Variants in TNFAIP8 observed in about 807,000 individuals in gnomAD.
TNFAIP8 encodes TNF alpha induced protein 8.
In TNFAIP8, 7 loss-of-function variants were observed where a neutral mutation model predicts 13.3. The observed-to-expected ratio is 0.52, with a 90% CI of 0.30 to 0.99. The LOEUF is 0.99. Among genes scored for constraint, TNFAIP8 ranks in the 50% least tolerant of loss-of-function variants. TNFAIP8 has a pLI of 0.07. For synonymous variants in TNFAIP8, 94 were observed against 87.6 expected (o/e 1.07, Z -0.41); for missense variants, 258 against 236.9 (o/e 1.09, Z -0.58).
At chr5:119,385,914 T>C (rs1399694756) in intron 1 of TNFAIP8, among the ~76,000 whole-genome samples, 4 of 152,258 alleles carry the variant, frequency 2.6e-5, no homozygotes, top group Non-Finnish European at 5.9e-5. Context: ...TGTCCATTTA[T>C]CTCTGGAACA....
At chr5:119,292,785 A>G (rs1749039996) in intron 1 of TNFAIP8, among the ~76,000 whole-genome samples, 2 of 150,482 alleles carry the variant, frequency 1.3e-5, no homozygotes. Flanking sequence ...GCCAGGTAAG[A>G]TAAACCAGAT....
intron 1 of TNFAIP8, among the ~76,000 whole-genome samples, chr5:119,345,034 T>C (rs1446886207): frequency 1.3e-5 from 2 of 152,186 alleles, no homozygotes; most frequent in Non-Finnish European, 2.9e-5. Flanking sequence ...ATTTTTTTCA[T>C]GCCATTTCTA....
intron 1 of TNFAIP8, among the ~76,000 whole-genome samples, chr5:119,325,363 C>T (rs1390742123): frequency 6.6e-6 from 1 of 152,224 alleles, no homozygotes; most frequent in Non-Finnish European, 1.5e-5. Flanking sequence ...AATATAAACT[C>T]CTTACCATGT....
intron 1 of TNFAIP8, among the ~76,000 whole-genome samples, chr5:119,273,144 A>G (rs34755328): frequency 0.19 from 28,489 of 152,206 alleles, 3,243 homozygotes; most frequent in Non-Finnish European, 0.25. Flanking sequence ...TGGACAATCT[A>G]CTTAGCTCTC....
intron 1 of TNFAIP8, among the ~76,000 whole-genome samples, chr5:119,307,940 G>A (rs1316057536): frequency 6.6e-6 from 1 of 152,166 alleles, no homozygotes; most frequent in Non-Finnish European, 1.5e-5. Flanking sequence ...CTGCACATGT[G>A]ATTTAAAAGC....
Position 119,323,826 on chromosome 5 carries a change from A to G in TNFAIP8, c.1+54919A>G, listed in dbSNP as rs144508643. On this transcript the variant is annotated intron_variant, in intron 1 of 1. Coordinates refer to the TNFAIP8 transcript ENST00000274456. ...GGGCTTCTGCAGTAAAACTCCTTCA[A>G]TTTGAGCTTGTGTAAGCCAGGATCA... 2.3e-3 allele frequency among the ~76,000 whole-genome samples: 347 copies of G among 152,240 alleles called. 5 individuals carry two copies. Among genetic ancestry groups the G allele is most frequent in the African/African-American group, 7.3e-3 (305 of 41,530 alleles).
chr5:119,337,286 A>T (rs913182942), intron 1 of TNFAIP8, among the ~76,000 whole-genome samples: 2 of 152,178 alleles, frequency 1.3e-5, no homozygotes, highest in African/African-American at 4.8e-5. Context: ...CTTTTTTGCC[A>T]ACCAAGGTGA....
In TNFAIP8 at chr5:119,274,710, C is replaced by T. The variant is rs1460095617; in HGVS notation, c.1+5803C>T. Among the ~76,000 whole-genome samples the T allele has an allele frequency of 5.9e-5, 9 of 152,326 alleles. No homozygotes were observed. The East Asian group carries it at 1.3e-3, about 23-fold the overall frequency. On this transcript the variant is annotated intron_variant, in intron 1 of 1. Coordinates refer to the TNFAIP8 transcript ENST00000274456. Reference sequence around the variant, plus strand: ...AAGCAAGGATTCCCTGCCCTGTGTACCTGTGGTGCTTATCACCTCCCTGGC... The same window carrying T: ...AAGCAAGGATTCCCTGCCCTGTGTATCTGTGGTGCTTATCACCTCCCTGGC...
At chr5:119,333,496 C>T (rs564549263) in intron 1 of TNFAIP8, 7 of 1,490,354 alleles carry the variant, frequency 4.7e-6, no homozygotes, top group African/African-American at 1.4e-5. Context: ...GACTGAGTCT[C>T]CCCGAGGGTG....
In TNFAIP8 at chr5:119,279,029, C is replaced by T. The variant is rs573544918; in HGVS notation, c.1+10122C>T. On this transcript the variant is annotated intron_variant, in intron 1 of 1. Transcript: ENST00000274456. Reference sequence around the variant, plus strand: ...TAATTTTCCAGAAATGTTTACCATCCCAGTAATCATGGCAAACACTTGTTG... The same window carrying T: ...TAATTTTCCAGAAATGTTTACCATCTCAGTAATCATGGCAAACACTTGTTG... Among the ~76,000 whole-genome samples, 4 of 152,228 alleles carry T rather than the reference C, an allele frequency of 2.6e-5. No homozygotes were observed. In the South Asian group the frequency reaches 8.3e-4, roughly 32 times the overall value.
chr5:119,303,735 C>T (rs983775597), intron 1 of TNFAIP8, among the ~76,000 whole-genome samples: 3 of 152,208 alleles, frequency 2.0e-5, no homozygotes, highest in Admixed American at 6.5e-5. Context: ...CTCTTCCAAG[C>T]AGGGCCACAC....
intron 1 of TNFAIP8, among the ~76,000 whole-genome samples, chr5:119,344,744 T>G (rs929226703): frequency 2.0e-5 from 3 of 152,102 alleles, no homozygotes; most frequent in African/African-American, 7.2e-5. Flanking sequence ...AGGAAACATT[T>G]TGATGTGAGA....
At chr5:119,296,486 T>C (rs368921841) in intron 1 of TNFAIP8, among the ~76,000 whole-genome samples, 3 of 152,164 alleles carry the variant, frequency 2.0e-5, no homozygotes, top group African/African-American at 4.8e-5. Flanking sequence ...CCACTTGATC[T>C]TGGTGGATAA....
At chr5:119,297,731 G>A (rs1255538332) in intron 1 of TNFAIP8, among the ~76,000 whole-genome samples, 1 of 152,130 alleles carries the variant, frequency 6.6e-6, no homozygotes, top group Admixed American at 6.5e-5. Flanking sequence ...TTATTATTGT[G>A]TGGGAGTCTA....
intron 1 of TNFAIP8, among the ~76,000 whole-genome samples, chr5:119,335,743 C>CTATTA (rs1750530554): frequency 6.6e-6 from 1 of 152,044 alleles, no homozygotes; most frequent in South Asian, 2.1e-4. Context: ...AATCCCTGCT[C>CTATTA]TTGGAGAGCT....
At chr5:119,337,087 TTTAA>T (rs1242381724) in intron 1 of TNFAIP8, among the ~76,000 whole-genome samples, 8 of 152,236 alleles carry the variant, frequency 5.3e-5, no homozygotes, top group East Asian at 3.9e-4. Flanking sequence ...TTGTCTCCTG[TTTAA>T]TTGTCTCCTA....
chr5:119,318,760 G>A (rs1027809612), intron 1 of TNFAIP8, among the ~76,000 whole-genome samples: 4 of 142,422 alleles, frequency 2.8e-5, no homozygotes, highest in Non-Finnish European at 4.5e-5. Context: ...TGACTCCAGC[G>A]TAATGCAGTT....
intron 1 of TNFAIP8, among the ~76,000 whole-genome samples, chr5:119,317,459 G>A (rs1490000472): frequency 4.0e-5 from 6 of 151,488 alleles, no homozygotes; most frequent in Non-Finnish European, 8.8e-5. Context: ...TTAGATAAGG[G>A]GAGGCTAAGA....
chr5:119,327,678 C>T (rs7710939), intron 1 of TNFAIP8, among the ~76,000 whole-genome samples: 14,338 of 152,074 alleles, frequency 0.094, 777 homozygotes, highest in African/African-American at 0.16. Flanking sequence ...AGGCTGGTCT[C>T]GAACTCCTGA....
Sources: gnomAD v4.1 joint callset for allele counts (sites outside exome capture counted in the v4.1 genomes callset) on GRCh38, gnomAD v4.1.1 for gene constraint, MANE v1.5 for transcripts, NCBI Gene and HGNC (gene_info 2026-07-23, HGNC 2026-07-21) for gene names.